Variants in PLEKHG1 observed in about 807,000 individuals in gnomAD.
PLEKHG1 encodes the protein pleckstrin homology domain-containing family G member 1.
In PLEKHG1, 44 loss-of-function variants were observed where a neutral mutation model predicts 100.8. The ratio of observed to expected loss-of-function variants is 0.44; its 90% CI spans 0.34 to 0.56. PLEKHG1 has a LOEUF of 0.56. PLEKHG1 is among the 20% of genes least tolerant of loss of function. The pLI, the probability that PLEKHG1 is intolerant of heterozygous loss-of-function variation, is 0.01. For missense variants in PLEKHG1, 1,545 were observed against 1,720.9 expected, an observed-to-expected ratio of 0.90 and a Z score of 1.81; for synonymous variants, 640 against 662.5, an observed-to-expected ratio of 0.97 and a Z score of 0.52.
At chr6:150,693,160 C>T (rs1780408456) in intron 3 of PLEKHG1, among the ~76,000 whole-genome samples, 1 of 152,090 alleles carries the variant, frequency 6.6e-6, no homozygotes, top group Non-Finnish European at 1.5e-5. Context: ...TGGTGGTGCA[C>T]ACCTGTAGTC....
chr6:150,706,866 G>A (rs983167892), intron 3 of PLEKHG1, among the ~76,000 whole-genome samples: 2 of 151,752 alleles, frequency 1.3e-5, no homozygotes, highest in African/African-American at 4.8e-5. Flanking sequence ...TTCCTGATCC[G>A]TGATGAATTT....
intron 11 of PLEKHG1, 91 bp from the exon 13 acceptor site, chr6:150,819,588 A>G: frequency 1.6e-6 from 1 of 633,906 alleles, no homozygotes; most frequent in Non-Finnish European, 2.8e-6. Context: ...AATAATAATA[A>G]TAAATCCATA....
chr6:150,739,627 C>T (rs1229670247), intron 2 of PLEKHG1, among the ~76,000 whole-genome samples: 1 of 151,338 alleles, frequency 6.6e-6, no homozygotes, highest in Admixed American at 6.6e-5. Context: ...GAGATCGTGC[C>T]ATTGCATTCC....
chr6:150,610,109 CTTCT>C lies in PLEKHG1; in HGVS notation c.-204+10103_-204+10106del, dbSNP rs570760795. On this transcript the variant is annotated intron_variant, in intron 1 of 3. Coordinates refer to the PLEKHG1 transcript ENST00000367326. Reference sequence around the variant, plus strand: ...TCTATTTTAGCTCTTTCCTTCTTTCCTTCTTTCTTTCTTTTTTTCTCTCACTCTG... The same window carrying C: ...TCTATTTTAGCTCTTTCCTTCTTTCCTTCTTTCTTTTTTTCTCTCACTCTG... Among the ~76,000 whole-genome samples the C allele has an allele frequency of 7.0e-3, 1,060 of 152,040 alleles. 10 individuals are homozygous for C. The highest frequency in any genetic ancestry group is 0.024 in the African/African-American group (1,005 of 41,464).
intron 2 of PLEKHG1, among the ~76,000 whole-genome samples, chr6:150,767,716 T>G (rs1784516857): frequency 6.6e-6 from 1 of 152,232 alleles, no homozygotes. Flanking sequence ...ATTTTCATGG[T>G]CTGCTTGGCT....
chr6:150,643,995 G>T (rs1430548467), intron 2 of PLEKHG1, among the ~76,000 whole-genome samples: 1 of 152,000 alleles, frequency 6.6e-6, no homozygotes, highest in East Asian at 1.9e-4. Context: ...TAGAGCGTGT[G>T]TCTGTCTTTG....
chr6:150,828,158 G>A (rs932055250), intron 14 of PLEKHG1: 115 of 1,613,576 alleles, frequency 7.1e-5, no homozygotes, highest in Non-Finnish European at 9.6e-5. Context: ...ATCTGCCCAC[G>A]ATATTTGTTT....
At chr6:150,807,583 A>G (rs560643071) in intron 7 of PLEKHG1, among the ~76,000 whole-genome samples, 1 of 152,232 alleles carries the variant, frequency 6.6e-6, no homozygotes, top group Non-Finnish European at 1.5e-5. Context: ...TGTCAAAGTC[A>G]TGTTAGTTTA....
At chr6:150,815,359 T>C (rs983487245) in intron 10 of PLEKHG1, among the ~76,000 whole-genome samples, 1 of 152,126 alleles carries the variant, frequency 6.6e-6, no homozygotes, top group African/African-American at 2.4e-5. Context: ...AAAAATTAAA[T>C]GTCCAGACAA....
chr6:150,733,703 C>T lies in PLEKHG1; in HGVS notation c.22C>T (p.Arg8Ter), dbSNP rs749076880. The change falls in exon 2 of 16, where the codon CGA (arginine) becomes TGA (stop). Residue 8 changes from arginine (R) to a stop codon, truncating the protein, a stop_gained. Coordinates refer to ENST00000358517, the Ensembl canonical transcript of PLEKHG1. LOFTEE classifies it high-confidence loss of function. ...GACAATGGAGCTCTCTGATAGTGAC[C>T]GACCCGTCAGCTTCGGTTCCACATC... The T allele has an allele frequency of 1.1e-5, 17 of 1,614,114 alleles. No individual in the cohort carries two copies. Among genetic ancestry groups the T allele is most frequent in the Middle Eastern group, 3.3e-4 (2 of 6,062 alleles).
At chr6:150,798,131 GC>G (rs1263605110) in intron 5 of PLEKHG1, among the ~76,000 whole-genome samples, 1 of 152,018 alleles carries the variant, frequency 6.6e-6, no homozygotes, top group Admixed American at 6.6e-5. Context: ...ATTGCAGGAT[GC>G]CCCAGCTAAA....
intron 3 of PLEKHG1, among the ~76,000 whole-genome samples, chr6:150,685,190 C>T (rs915269551): frequency 1.3e-5 from 2 of 152,092 alleles, no homozygotes; most frequent in Non-Finnish European, 2.9e-5. Flanking sequence ...CACACTTGAG[C>T]ACTGGGCTCC....
chr6:150,776,480 C>A (rs866941329), intron 3 of PLEKHG1, among the ~76,000 whole-genome samples: 1 of 122,786 alleles, frequency 8.1e-6, no homozygotes, highest in Middle Eastern at 4.5e-3. Context: ...GCAATCCTGG[C>A]GTACATGTGC....
chr6:150,784,615 G>A (rs1489834733), intron 3 of PLEKHG1, among the ~76,000 whole-genome samples: 3 of 152,164 alleles, frequency 2.0e-5, no homozygotes, highest in African/African-American at 7.2e-5. Context: ...CAACCAGCAG[G>A]CCTGGACAGC....
intron 1 of PLEKHG1, among the ~76,000 whole-genome samples, chr6:150,617,160 GT>G (rs1313608657): frequency 1.3e-5 from 2 of 152,206 alleles, no homozygotes; most frequent in Non-Finnish European, 1.5e-5. Context: ...AGTTTGGAGG[GT>G]TTGTTAAGTT....
chr6:150,827,630 A>G lies in PLEKHG1; in HGVS notation c.1471-2952A>G, dbSNP rs111372763. On this transcript the variant is annotated intron_variant, in intron 14 of 15. Coordinates refer to ENST00000358517, the Ensembl canonical transcript of PLEKHG1. ...TACCTTAAAAAGATACTTCAGCGGCACAGCTGGCTTGAGCAACTGAACTGG... is the reference window on the plus strand; with the variant it reads ...TACCTTAAAAAGATACTTCAGCGGCGCAGCTGGCTTGAGCAACTGAACTGG... The G allele has an allele frequency of 5.5e-5, 44 of 793,756 alleles. 2 individuals are homozygous for G. Among genetic ancestry groups the G allele is most frequent in the African/African-American group, 3.0e-4 (18 of 59,296 alleles). 49.2% of individuals were successfully genotyped at this position (793,756 alleles called of 1,614,324 possible).
intron 2 of PLEKHG1, among the ~76,000 whole-genome samples, chr6:150,644,034 T>G (rs1295921915): frequency 2.0e-5 from 3 of 152,230 alleles, no homozygotes; most frequent in Non-Finnish European, 4.4e-5. Context: ...AATGGATGTT[T>G]GTACATAATC....
At chr6:150,804,177 T>TATATATA (rs56138913) in intron 6 of PLEKHG1, among the ~76,000 whole-genome samples, 11 of 24,378 alleles carry the variant, frequency 4.5e-4, no homozygotes, top group East Asian at 1.3e-3. Flanking sequence ...ATATATATAT[T>TATATATA]TTTTTTTTTT....
At chr6:150,706,651 C>T (rs1332376078) in intron 3 of PLEKHG1, among the ~76,000 whole-genome samples, 4 of 151,234 alleles carry the variant, frequency 2.6e-5, no homozygotes, top group African/African-American at 9.7e-5. Flanking sequence ...AAAACAGGAA[C>T]TATGACACCA....
Sources: gnomAD v4.1 joint callset for allele counts (sites outside exome capture counted in the v4.1 genomes callset) on GRCh38, gnomAD v4.1.1 for gene constraint, MANE v1.5 for transcripts, NCBI Gene and HGNC (gene_info 2026-07-23, HGNC 2026-07-21) for gene names.